ATP6V0A1: variants seen among roughly 807,000 people sequenced by gnomAD.
The protein encoded by ATP6V0A1 is ATPase H+ transporting V0 subunit a1, also known as V-type proton ATPase 116 kDa subunit a 1.
A neutral mutation model predicts 105.4 loss-of-function variants in ATP6V0A1; 43 were observed. That is an observed-to-expected ratio of 0.41 (90% CI 0.32 to 0.53). The LOEUF (loss-of-function observed/expected upper bound fraction) is 0.53. ATP6V0A1 is among the 20% of genes least tolerant of loss of function. ATP6V0A1 has a pLI of 0.30. For synonymous variants in ATP6V0A1, 362 were observed against 372.8 expected, an observed-to-expected ratio of 0.97 and a Z score of 0.33; for missense variants, 676 against 1,051.1, an observed-to-expected ratio of 0.64 and a Z score of 4.93.
At chr17:42,464,151 A>G (rs2086757267) in intron 2 of ATP6V0A1, among the ~76,000 whole-genome samples, 1 of 152,178 alleles carries the variant, frequency 6.6e-6, no homozygotes, top group African/African-American at 2.4e-5. Context: ...GGGTAGGTGT[A>G]TGTTTAACTT....
In ATP6V0A1 at chr17:42,495,084, G is replaced by T. The variant is rs1328221661; in HGVS notation, c.1365G>T (p.Val455=). ...SGRYIILLMG[V]FSMYTGLIYN... Reference sequence around the variant, plus strand: ...GATACATTATTTTATTGATGGGTGTGTTCTCCATGTACACTGGCCTCATCT... The same window carrying T: ...GATACATTATTTTATTGATGGGTGTTTTCTCCATGTACACTGGCCTCATCT... Residue 455 remains valine, a synonymous_variant, in exon 13 of 22, where the codon GTG becomes GTT. Transcript: ENST00000343619. 6.2e-7 allele frequency: 1 copy of T among 1,613,968 alleles called. No individual in the cohort carries two copies. Among genetic ancestry groups the T allele is most frequent in the Non-Finnish European group, 8.5e-7 (1 of 1,179,862 alleles).
At chr17:42,470,049 C>G (rs545156885) in intron 4 of ATP6V0A1, 41 bp from the exon 5 acceptor site, 1 of 1,528,656 alleles carries the variant, frequency 6.5e-7, no homozygotes, top group Non-Finnish European at 8.9e-7. Context: ...TCAGAGCAAA[C>G]ATATTGAGCT....
At chr17:42,476,799 T>C (rs1006649652) in intron 5 of ATP6V0A1, among the ~76,000 whole-genome samples, 93 of 152,196 alleles carry the variant, frequency 6.1e-4, no homozygotes, top group Admixed American at 2.6e-4. Flanking sequence ...TTTGGTTTAT[T>C]ATCTGTTGTT....
chr17:42,492,706 CAAA>C (rs56397012), intron 11 of ATP6V0A1, among the ~76,000 whole-genome samples: 24 of 95,114 alleles, frequency 2.5e-4, no homozygotes, highest in African/African-American at 2.9e-4. Flanking sequence ...AACTCTGTCT[CAAA>C]AAAAAAAAAA....
chr17:42,495,964 C>T lies in ATP6V0A1; in HGVS notation c.1560+248C>T, dbSNP rs531096759. On this transcript the variant is annotated intron_variant, in intron 14 of 21. Transcript: ENST00000343619. ...GCGCATGCCTGTAGTCCCAGCTACC[C>T]GGGAGACTGAGGCAGGAGAATCGCT... 7.7e-4 allele frequency: 250 copies of T among 323,274 alleles called. 1 individual carries two copies. The highest frequency in any genetic ancestry group is 3.7e-4 in the Non-Finnish European group (64 of 172,342). 20.0% of individuals were successfully genotyped at this position (323,274 alleles called of 1,614,324 possible). A position where few individuals can be genotyped will look rare whatever the true frequency, so the allele number is the denominator to read the frequency against.
Position 42,487,237 on chromosome 17 carries a change from G to T in ATP6V0A1, c.893G>T (p.Arg298Leu), listed in dbSNP as rs770993827. ...ATCCGTGTCTGGTTCATCAAAGTGCGGAAGATGAAGGCCATCTATCACACC... is the reference window on the plus strand; with the variant it reads ...ATCCGTGTCTGGTTCATCAAAGTGCTGAAGATGAAGGCCATCTATCACACC... Reference protein sequence around the residue: ...KNIRVWFIKVRKMKAIYHTLN... With the variant: ...KNIRVWFIKVLKMKAIYHTLN... Residue 298 changes from arginine to leucine, a missense_variant, in exon 10 of 22, where the codon CGG becomes CTG. By Grantham distance (102) the Arg-to-Leu change is moderately radical. Transcript: ENST00000343619. 22 of 1,613,980 alleles carry T rather than the reference G, an allele frequency of 1.4e-5. No individual in the cohort carries two copies. The Admixed American group carries it at 3.7e-4, about 27-fold the overall frequency.
intron 13 of ATP6V0A1, 139 bp from the exon 14 acceptor site, chr17:42,495,487 C>G: frequency 1.4e-6 from 1 of 701,968 alleles, no homozygotes; most frequent in Non-Finnish European, 2.4e-6. Flanking sequence ...AGCTGCTAGT[C>G]TCTCCTCTTT....
chr17:42,508,436 G>C, intron 18 of ATP6V0A1, 136 bp from the exon 19 acceptor site: 1 of 1,061,938 alleles, frequency 9.4e-7, no homozygotes, highest in Non-Finnish European at 1.4e-6. Context: ...TATATGCTGA[G>C]GAGGCCTGCC....
chr17:42,498,687 G>A (rs1032611862), intron 14 of ATP6V0A1, among the ~76,000 whole-genome samples: 3 of 152,054 alleles, frequency 2.0e-5, no homozygotes, highest in Admixed American at 6.6e-5. Flanking sequence ...ATAGCTGGGC[G>A]TGGTGGCAGG....
intron 5 of ATP6V0A1, among the ~76,000 whole-genome samples, chr17:42,472,773 T>C (rs2088164651): frequency 6.6e-6 from 1 of 152,164 alleles, no homozygotes; most frequent in African/African-American, 2.4e-5. Flanking sequence ...TTTTCTCTTT[T>C]GAGGGGAGAT....
intron 10 of ATP6V0A1, 152 bp from the exon 11 acceptor site, chr17:42,490,335 T>A: frequency 1.6e-6 from 1 of 632,408 alleles, no homozygotes; most frequent in Non-Finnish European, 2.4e-6. Flanking sequence ...ATTTTTAGGT[T>A]TATTAGTTTT....
chr17:42,506,193 C>CA (rs2092014577), intron 17 of ATP6V0A1, among the ~76,000 whole-genome samples: 1 of 152,182 alleles, frequency 6.6e-6, no homozygotes, highest in Non-Finnish European at 1.5e-5. Context: ...AAACCCTTCA[C>CA]AATGATTATA....
Position 42,501,303 on chromosome 17 carries a change from T to C in ATP6V0A1, c.2003T>C (p.Leu668Ser), listed in dbSNP as rs2146136014. Reference sequence around the variant, plus strand: ...CGTCAGTATTTGAGGAGAAAGCATTTGGTAGGTGTATTTCTATTGCTAAAA... The same window carrying C: ...CGTCAGTATTTGAGGAGAAAGCATTCGGTAGGTGTATTTCTATTGCTAAAA... ...LRRQYLRRKH[L>S]GTLNFGGIRV... Residue 668 changes from leucine to serine, a missense_variant and splice_region_variant, in exon 17 of 22, where the codon TTG becomes TCG. This residue lies in a region of ATP6V0A1 where 435 missense variants were observed against 642.2 expected (regional missense o/e 0.68). Transcript: ENST00000343619. 3 of 1,611,490 alleles carry C rather than the reference T, an allele frequency of 1.9e-6. No individual in the cohort carries two copies. The East Asian group carries it at 6.7e-5, about 36-fold the overall frequency.
At position 42,483,018 on chromosome 17, in the gene ATP6V0A1, T is replaced by C. The variant is rs759371429; in HGVS notation, c.717-20T>C. 2 of 1,424,402 alleles carry C rather than the reference T, an allele frequency of 1.4e-6. No individual in the cohort carries two copies. The highest frequency in any genetic ancestry group is 1.9e-6 in the Non-Finnish European group (2 of 1,071,204). The allele number at this position is 1,424,402 out of a possible 1,614,324, so 88.2% of individuals were successfully genotyped here. On this transcript the variant is annotated intron_variant, in intron 8 of 21. Coordinates refer to ENST00000343619, the MANE Select transcript of ATP6V0A1 (RefSeq NM_001130021.3). ...TTTAAATTAGATAAGTTAAGAAACT[T>C]CGATGTTCTTATATTCCAGGTTCCG... is the stretch of plus-strand genomic sequence containing the variant.
intron 17 of ATP6V0A1, among the ~76,000 whole-genome samples, chr17:42,507,120 T>A (rs986128212): frequency 1.3e-5 from 2 of 152,204 alleles, no homozygotes; most frequent in African/African-American, 4.8e-5. Flanking sequence ...TCTTAGAAAG[T>A]CTAATCGTTA....
At chr17:42,515,645 G>A (rs1334622510) in intron 21 of ATP6V0A1, among the ~76,000 whole-genome samples, 2 of 151,904 alleles carry the variant, frequency 1.3e-5, no homozygotes, top group East Asian at 1.9e-4. Context: ...AACATTAGCC[G>A]GGCATGGTGG....
intron 5 of ATP6V0A1, chr17:42,471,157 A>G (rs1333877349): frequency 6.7e-6 from 1 of 148,732 alleles, no homozygotes; most frequent in Non-Finnish European, 1.5e-5. Context: ...GCGGTGGCTC[A>G]TGCCTGTAAT....
At chr17:42,520,641 C>G (rs1051228644) in intron 21 of ATP6V0A1, 11 of 458,604 alleles carry the variant, frequency 2.4e-5, no homozygotes, top group Non-Finnish European at 4.8e-5. Context: ...CCCAGTGTCT[C>G]TGGAGGGGCT....
chr17:42,476,288 C>A (rs748975380), intron 5 of ATP6V0A1, among the ~76,000 whole-genome samples: 2 of 152,166 alleles, frequency 1.3e-5, no homozygotes, highest in African/African-American at 2.4e-5. Context: ...ATTTTTTAGG[C>A]CTTCAGACTT....
Sources: allele counts gnomAD v4.1 joint callset (sites outside exome capture counted in the v4.1 genomes callset), GRCh38; gene constraint gnomAD v4.1.1; regional missense constraint gnomAD v4.1.1; transcripts MANE v1.5; gene names NCBI Gene and HGNC (gene_info 2026-07-23, HGNC 2026-07-21).